The following ANKRD17 variants were observed in gnomAD, a reference collection of about 807,000 sequenced individuals.
ANKRD17 encodes the protein ankyrin repeat domain 17.
A neutral mutation model predicts 229.7 loss-of-function variants in ANKRD17; 19 were observed. That is an observed-to-expected ratio of 0.08 (90% CI 0.06 to 0.12). ANKRD17 has a LOEUF of 0.12. Ranked by LOEUF, ANKRD17 falls within the 10% of genes least tolerant of loss-of-function variation. The pLI, the probability that ANKRD17 is intolerant of heterozygous loss-of-function variation, is 1.00. For synonymous variants in ANKRD17, 1,112 were observed against 1,146.1 expected (o/e 0.97, Z 0.60); for missense variants, 2,176 against 3,176.8 (o/e 0.68, Z 7.57).
At chr4:73,257,688 T>C (rs909185576) in intron 1 of ANKRD17, among the ~76,000 whole-genome samples, 1 of 152,202 alleles carries the variant, frequency 6.6e-6, no homozygotes, top group Non-Finnish European at 1.5e-5. Flanking sequence ...ATGAAGTTAC[T>C]TCAGCAGCCA....
chr4:73,180,281 G>C lies in ANKRD17; in HGVS notation c.394-2748C>G, dbSNP rs987757181. 2.6e-5 allele frequency among the ~76,000 whole-genome samples: 4 copies of C among 152,040 alleles called. No homozygotes were observed. In the East Asian group the frequency reaches 7.7e-4, roughly 29 times the overall value. ...TAAAAGAAGAGAAAGAAGGAACATGGACTGGCAAGTAAAAAATTTCTATGT... is the reference window on the plus strand; with the variant it reads ...TAAAAGAAGAGAAAGAAGGAACATGCACTGGCAAGTAAAAAATTTCTATGT... On this transcript the variant is annotated intron_variant, in intron 1 of 33. Transcript: ENST00000358602.
chr4:73,214,811 A>T (rs1212445244), intron 1 of ANKRD17, among the ~76,000 whole-genome samples: 35 of 149,210 alleles, frequency 2.3e-4, no homozygotes, highest in African/African-American at 8.4e-4. Context: ...GGAGTTCAAG[A>T]CCAACCTGGC....
At chr4:73,089,405 G>A (rs1722541160) in intron 29 of ANKRD17, among the ~76,000 whole-genome samples, 1 of 152,064 alleles carries the variant, frequency 6.6e-6, no homozygotes, top group Non-Finnish European at 1.5e-5. Context: ...GCCAAATTTG[G>A]CCCATAGACC....
rs1200885126 is a variant in ANKRD17 at position 73,090,976 on chromosome 4, C to T, written c.6652G>A (p.Val2218Ile). Residue 2218 changes from valine to isoleucine, a missense_variant, in exon 29 of 34, where the codon GTC becomes ATC. Val to Ile is a conservative substitution (Grantham distance 29, BLOSUM62 3). This residue lies in a region of ANKRD17 where 424 missense variants were observed against 454.0 expected (regional missense o/e 0.93). Coordinates refer to ENST00000358602, the MANE Select transcript of ANKRD17 (RefSeq NM_032217.5). The part of the protein sequence containing the change: ...IKRPHSVPSS[V>I]QLPSTLSTQS... Reference sequence around the variant, plus strand: ...GTACTTAAGGTCGAAGGTAGCTGGACAGAAGAGGGAACACTGTGAGGTCTT... The same window carrying T: ...GTACTTAAGGTCGAAGGTAGCTGGATAGAAGAGGGAACACTGTGAGGTCTT... The T allele has an allele frequency of 6.2e-7, 1 of 1,614,220 alleles. No individual in the cohort carries two copies.
intron 24 of ANKRD17, among the ~76,000 whole-genome samples, chr4:73,107,866 G>T (rs952556618): frequency 2.6e-5 from 4 of 152,234 alleles, no homozygotes; most frequent in African/African-American, 7.2e-5. Flanking sequence ...GATATGATTT[G>T]ATTTAGATAA....
chr4:73,204,358 CAAAAAAA>C (rs374000000), intron 1 of ANKRD17, among the ~76,000 whole-genome samples: 5 of 59,152 alleles, frequency 8.5e-5, no homozygotes, highest in East Asian at 4.6e-4. Flanking sequence ...GAGACTCCGT[CAAAAAAA>C]AAAAAAAAAA....
At chr4:73,193,095 A>C (rs943812364) in intron 1 of ANKRD17, among the ~76,000 whole-genome samples, 4 of 152,202 alleles carry the variant, frequency 2.6e-5, no homozygotes, top group African/African-American at 9.6e-5. Context: ...ATCATGTACC[A>C]CTACCTTTTG....
At chr4:73,175,399 G>T (rs371418545) in intron 2 of ANKRD17, among the ~76,000 whole-genome samples, 1 of 152,234 alleles carries the variant, frequency 6.6e-6, no homozygotes, top group African/African-American at 2.4e-5. Context: ...GGATAATGGG[G>T]ATTACAATTC....
chr4:73,136,329 G>C (rs939622914), intron 15 of ANKRD17, among the ~76,000 whole-genome samples: 18 of 152,052 alleles, frequency 1.2e-4, no homozygotes, highest in Admixed American at 7.9e-4. Flanking sequence ...ATTCACAACT[G>C]GATCTGAAAC....
At chr4:73,155,379 A>C (rs79654668) in intron 5 of ANKRD17, among the ~76,000 whole-genome samples, 2 of 152,240 alleles carry the variant, frequency 1.3e-5, no homozygotes, top group Non-Finnish European at 2.9e-5. Context: ...AGAGTGGTCC[A>C]TCTAACTGGG....
At chr4:73,177,277 C>A in intron 2 of ANKRD17, 103 bp downstream of exon 2, 1 of 1,102,270 alleles carries the variant, frequency 9.1e-7, no homozygotes, top group Non-Finnish European at 1.2e-6. Flanking sequence ...TTAATAGTAT[C>A]ATTCTAAATA....
At chr4:73,213,568 G>C (rs142628135) in intron 1 of ANKRD17, among the ~76,000 whole-genome samples, 26 of 152,270 alleles carry the variant, frequency 1.7e-4, no homozygotes, top group African/African-American at 5.5e-4. Flanking sequence ...GGAAGATATG[G>C]AATTTGAGAA....
chr4:73,133,389 G>GTTTTTTTT (rs1232065955), intron 16 of ANKRD17, among the ~76,000 whole-genome samples: 1 of 123,202 alleles, frequency 8.1e-6, no homozygotes, highest in Non-Finnish European at 1.7e-5. Context: ...AATGTCTCGT[G>GTTTTTTTT]TTTTTTTTTT....
intron 1 of ANKRD17, among the ~76,000 whole-genome samples, chr4:73,243,666 C>T (rs1275577313): frequency 1.3e-5 from 2 of 152,128 alleles, no homozygotes; most frequent in African/African-American, 2.4e-5. Context: ...CAATATAAAA[C>T]ATTAATTACC....
chr4:73,101,039 G>A, intron 25 of ANKRD17: 4 of 918,390 alleles, frequency 4.4e-6, no homozygotes, highest in Non-Finnish European at 5.2e-6. Flanking sequence ...TTTGCGTTAG[G>A]TATTAGAGGT....
intron 8 of ANKRD17, among the ~76,000 whole-genome samples, chr4:73,148,565 A>C (rs1360794294): frequency 6.6e-6 from 1 of 152,208 alleles, no homozygotes; most frequent in Non-Finnish European, 1.5e-5. Flanking sequence ...AAGCCTTGCC[A>C]ACACCAGTTC....
chr4:73,106,691 C>T lies in ANKRD17; in HGVS notation c.4402-4144G>A, dbSNP rs150021832. On this transcript the variant is annotated intron_variant, in intron 24 of 33. Coordinates refer to ENST00000358602, the MANE Select transcript of ANKRD17 (RefSeq NM_032217.5). The stretch of plus-strand genomic sequence containing the variant: ...GTCAAGAGATCAAGACCATTCTGGC[C>T]AATATGGTGAAACCCCATCTCTACT... Among the ~76,000 whole-genome samples the T allele has an allele frequency of 3.3e-3, 504 of 151,916 alleles. 10 individuals are homozygous for T. The highest frequency in any genetic ancestry group is 0.023 in the Admixed American group (345 of 15,260).
Position 73,076,182 on chromosome 4 carries a change from G to T in ANKRD17, c.*49C>A. 1 of 1,553,286 alleles carries T rather than the reference G, an allele frequency of 6.4e-7. No homozygotes were observed. Among genetic ancestry groups the T allele is most frequent in the Admixed American group, 2.0e-5 (1 of 50,466 alleles). ...ATAATTTTTTTTTTCGGCCACTTGT[G>T]ATTTCCTCCAAATGAAAAGGAATCT... On this transcript the variant is annotated 3_prime_UTR_variant, in exon 34 of 34. Coordinates refer to ENST00000358602, the MANE Select transcript of ANKRD17 (RefSeq NM_032217.5).
At chr4:73,182,638 C>T (rs931418228) in intron 1 of ANKRD17, among the ~76,000 whole-genome samples, 3 of 152,158 alleles carry the variant, frequency 2.0e-5, no homozygotes, top group Non-Finnish European at 4.4e-5. Flanking sequence ...CCGATTTATG[C>T]AACATAAAAT....
Sources: gnomAD v4.1 joint callset for allele counts (sites outside exome capture counted in the v4.1 genomes callset) on GRCh38, gnomAD v4.1.1 for gene constraint, gnomAD v4.1.1 regional missense constraint, MANE v1.5 for transcripts, NCBI Gene and HGNC (gene_info 2026-07-23, HGNC 2026-07-21) for gene names.